Variants in USP30 observed in about 807,000 individuals in gnomAD.
USP30 encodes ubiquitin specific peptidase 30.
In USP30, 41 loss-of-function variants were observed where a neutral mutation model predicts 68.2. That is an observed-to-expected ratio of 0.60 (90% CI 0.47 to 0.78). The LOEUF (loss-of-function observed/expected upper bound fraction) is 0.78, where lower values mean the gene tolerates loss of function less well. Ranked by LOEUF, USP30 falls within the 30% of genes least tolerant of loss-of-function variation. The pLI is 0.00. For synonymous variants in USP30, 229 were observed against 253.7 expected, an observed-to-expected ratio of 0.90 and a Z score of 0.93; for missense variants, 522 against 649.4, an observed-to-expected ratio of 0.80 and a Z score of 2.13.
chr12:109,067,951 C>G (rs535696855), intron 4 of USP30, among the ~76,000 whole-genome samples: 28 of 152,084 alleles, frequency 1.8e-4, no homozygotes, highest in Admixed American at 2.6e-4. Context: ...AGGCAGGTGA[C>G]TTTACCTTGG....
rs959577577 is a variant in USP30 at position 109,052,629 on chromosome 12, G to GGCGGCA, written c.-45_-44insAGCGGC. 4 of 1,448,392 alleles carry GGCGGCA rather than the reference G, an allele frequency of 2.8e-6. No homozygotes were observed. The highest frequency in any genetic ancestry group is 3.6e-6 in the Non-Finnish European group (4 of 1,106,626). The allele number at this position is 1,448,392 out of a possible 1,614,324, so 89.7% of individuals were successfully genotyped here. A position where few individuals can be genotyped will look rare whatever the true frequency, so the allele number is the denominator to read the frequency against. ...CCGTCGTATCCCTCGGTCCGGCGGC[G>GGCGGCA]GCGGCGGCGGTAGCGGAGGAGACGG... is the stretch of plus-strand genomic sequence containing the variant. On this transcript the variant is annotated 5_prime_UTR_variant, in exon 1 of 13. Transcript: ENST00000257548.
chr12:109,063,543 A>G (rs1290610045), intron 3 of USP30, among the ~76,000 whole-genome samples: 1 of 152,206 alleles, frequency 6.6e-6, no homozygotes, highest in Non-Finnish European at 1.5e-5. Context: ...CCCTGCTTTC[A>G]GTTATTTTCT....
rs576521169 is a variant in USP30 at position 109,085,026 on chromosome 12, G to A, written c.1242G>A (p.Thr414=). Residue 414 remains threonine, a synonymous_variant, in exon 12 of 13, where the codon ACG becomes ACA. Coordinates refer to ENST00000257548, the MANE Select transcript of USP30 (RefSeq NM_032663.5). The stretch of plus-strand genomic sequence containing the variant: ...CCTGCTCCCCATCTTTATTGCCAAC[G>A]CTGTCAGCGCCGATGCCCTTCCCTC... ...NGACSPSLLP[T]LSAPMPFPLP... is the part of the protein sequence containing the mutation. 1.1e-5 allele frequency: 17 copies of A among 1,605,306 alleles called. No homozygotes were observed. Among genetic ancestry groups the A allele is most frequent in the Middle Eastern group, 1.7e-4 (1 of 6,004 alleles).
intron 3 of USP30, among the ~76,000 whole-genome samples, chr12:109,032,061 C>T (rs947846554): frequency 1.3e-5 from 2 of 151,090 alleles, no homozygotes; most frequent in Non-Finnish European, 2.9e-5. Flanking sequence ...ATGATTGTGC[C>T]ACTGCCCTCC....
At chr12:109,037,564 A>G (rs897098117) in intron 3 of USP30, among the ~76,000 whole-genome samples, 29 of 152,132 alleles carry the variant, frequency 1.9e-4, no homozygotes, top group African/African-American at 5.8e-4. Context: ...CTCCCTCCTC[A>G]GGGCTTGTTT....
Position 109,070,822 on chromosome 12 carries a change from G to A in USP30, c.481-790G>A, listed in dbSNP as rs2041415608. On this transcript the variant is annotated intron_variant, in intron 4 of 12. Transcript: ENST00000257548. This position sits in a 1 kb window ranked among gnomAD's most constrained non-coding sequence, Gnocchi z 4.0. ...AAGAATTCAAAGCAGGGACTCAGTA[G>A]GGTATTTGTATACTCAGGTTAATAG... Among the ~76,000 whole-genome samples the A allele has an allele frequency of 6.6e-6, 1 of 152,186 alleles. No homozygotes were observed. Among genetic ancestry groups the A allele is most frequent in the African/African-American group, 2.4e-5 (1 of 41,436 alleles).
chr12:109,031,953 T>C (rs908671663), intron 3 of USP30, among the ~76,000 whole-genome samples: 9 of 151,978 alleles, frequency 5.9e-5, no homozygotes, highest in African/African-American at 2.2e-4. Context: ...TTTTTTTTAA[T>C]TAGTCAGGTG....
At chr12:109,028,863 G>A (rs10850069) in intron 3 of USP30, among the ~76,000 whole-genome samples, 6 of 152,162 alleles carry the variant, frequency 3.9e-5, no homozygotes, top group African/African-American at 9.6e-5. Flanking sequence ...GGATCCACCC[G>A]CATGATCCAA....
At chr12:109,038,219 C>T (rs1209912136) in intron 3 of USP30, among the ~76,000 whole-genome samples, 1 of 139,416 alleles carries the variant, frequency 7.2e-6, no homozygotes, top group African/African-American at 2.6e-5. Context: ...CCCTCCCCAC[C>T]TGCCAGTTTC....
intron 4 of USP30, among the ~76,000 whole-genome samples, chr12:109,068,881 A>G (rs1188661433): frequency 1.3e-5 from 2 of 152,200 alleles, no homozygotes; most frequent in East Asian, 3.9e-4. Flanking sequence ...GGCCTTGCCC[A>G]CATCTTTATT....
intron 3 of USP30, among the ~76,000 whole-genome samples, chr12:109,042,065 C>T (rs571881992): frequency 2.0e-5 from 3 of 151,678 alleles, no homozygotes; most frequent in South Asian, 4.2e-4. Context: ...CCCAGAGTGA[C>T]CACTTAAGAG....
intron 1 of USP30, among the ~76,000 whole-genome samples, chr12:109,055,348 T>TTA (rs1209992961): frequency 1.4e-4 from 19 of 131,240 alleles, no homozygotes; most frequent in South Asian, 2.4e-4. Context: ...AATAAATATT[T>TTA]TATATATATA....
chr12:109,028,387 G>A (rs1188474650), intron 3 of USP30, among the ~76,000 whole-genome samples: 1 of 152,160 alleles, frequency 6.6e-6, no homozygotes, highest in Non-Finnish European at 1.5e-5. Flanking sequence ...GAGGGCCTCA[G>A]GAAGCTTAGA....
intron 3 of USP30, among the ~76,000 whole-genome samples, chr12:109,028,161 C>G (rs1337038644): frequency 6.6e-6 from 1 of 152,184 alleles, no homozygotes; most frequent in African/African-American, 2.4e-5. Flanking sequence ...ACTGGCATAT[C>G]TTCCTTGAGG....
rs1566105595 is a variant in USP30, at chr12:109,081,629, A to ATG, written c.780+236_780+237insTG. On this transcript the variant is annotated intron_variant, in intron 8 of 12. Coordinates refer to ENST00000257548, the MANE Select transcript of USP30 (RefSeq NM_032663.5). The stretch of plus-strand genomic sequence containing the variant: ...TACACACGCACGCATGCGCGCACAC[A>ATG]CACACACACACACACACACACACAC... The ATG allele has an allele frequency of 1.2e-3, 320 of 265,302 alleles. 2 individuals are homozygous for ATG. The highest frequency in any genetic ancestry group is 9.5e-3 in the African/African-American group (293 of 30,986). 16.4% of individuals were successfully genotyped at this position (265,302 alleles called of 1,614,324 possible).
rs1241857866 is a variant in USP30 at position 109,070,036 on chromosome 12, C to T, written c.481-1576C>T. 6.6e-6 allele frequency among the ~76,000 whole-genome samples: 1 copy of T among 151,922 alleles called. No homozygotes were observed. Among genetic ancestry groups the T allele is most frequent in the Non-Finnish European group, 1.5e-5 (1 of 67,974 alleles). On this transcript the variant is annotated intron_variant, in intron 4 of 12. Coordinates refer to ENST00000257548, the MANE Select transcript of USP30 (RefSeq NM_032663.5). This position sits in a 1 kb window ranked among gnomAD's most constrained non-coding sequence, Gnocchi z 4.0. ...TGGCAGGGAGCAGATTGTGCAGGGACTAGGAGGCTGCGGGCGGCATCAGCT... is the reference window on the plus strand; with the variant it reads ...TGGCAGGGAGCAGATTGTGCAGGGATTAGGAGGCTGCGGGCGGCATCAGCT...
Position 109,040,175 on chromosome 12 carries a change from CA to C in USP30, c.-135-7405del, listed in dbSNP as rs201661228. 2.6e-3 allele frequency among the ~76,000 whole-genome samples: 390 copies of C among 147,204 alleles called. 4 individuals carry two copies. Among genetic ancestry groups the C allele is most frequent in the African/African-American group, 9.1e-3 (365 of 40,304 alleles). On this transcript the variant is annotated intron_variant, in intron 3 of 15. Coordinates refer to the USP30 transcript ENST00000392784. ...GAAGGTAAAGTCTACATATGGCAAACAAAAAAAAAATTTAGGGTGCTACCAA... is the reference window on the plus strand; with the variant it reads ...GAAGGTAAAGTCTACATATGGCAAACAAAAAAAAATTTAGGGTGCTACCAA...
rs76009193 is a variant in USP30, at chr12:109,067,510, T to C, written c.377-14T>C. On this transcript the variant is annotated splice_polypyrimidine_tract_variant and intron_variant, in intron 3 of 12. Coordinates refer to ENST00000257548, the MANE Select transcript of USP30 (RefSeq NM_032663.5). ...TGATGAATTTAATAATTGTCTTACC[T>C]TTTTTGTTTCCAGCCTTGTCCTGCC... 6.2e-7 allele frequency: 1 copy of C among 1,609,638 alleles called. No homozygotes were observed. Among genetic ancestry groups the C allele is most frequent in the East Asian group, 2.2e-5 (1 of 44,846 alleles).
intron 3 of USP30, among the ~76,000 whole-genome samples, chr12:109,044,877 A>G (rs1031918942): frequency 1.3e-5 from 2 of 151,968 alleles, no homozygotes; most frequent in Admixed American, 6.6e-5. Flanking sequence ...ATATACCATC[A>G]TCATTATGTT....
Sources: allele counts gnomAD v4.1 joint callset (sites outside exome capture counted in the v4.1 genomes callset), GRCh38; gene constraint gnomAD v4.1.1; non-coding constraint Gnocchi (gnomAD v3.1); transcripts MANE v1.5; gene names NCBI Gene and HGNC (gene_info 2026-07-23, HGNC 2026-07-21).